Variants in CPNE4 observed in about 807,000 individuals in gnomAD.
CPNE4 encodes the protein copine-4.
CPNE4 carries 25 observed loss-of-function variants against 67.9 expected under a neutral mutation model. That is an observed-to-expected ratio of 0.37 (90% confidence interval 0.27 to 0.51). CPNE4 has a LOEUF of 0.51. CPNE4 is among the 20% of genes least tolerant of loss of function. The probability of loss-of-function intolerance (pLI) is 0.93; values close to 1 mark genes in which losing one functional copy is unlikely to be tolerated. For missense variants in CPNE4, 464 were observed against 690.8 expected (o/e 0.67, Z 3.68); for synonymous variants, 242 against 244.9 (o/e 0.99, Z 0.11).
intron 7 of CPNE4, among the ~76,000 whole-genome samples, chr3:131,658,395 G>T (rs1487428362): frequency 2.0e-5 from 3 of 152,204 alleles, no homozygotes; most frequent in Non-Finnish European, 4.4e-5. Flanking sequence ...GTGGATGTGG[G>T]ATTGATGATC....
intron 1 of CPNE4, among the ~76,000 whole-genome samples, chr3:131,916,866 TTTG>T (rs2089200502): frequency 6.6e-6 from 1 of 152,236 alleles, no homozygotes; most frequent in African/African-American, 2.4e-5. Context: ...GTTTGTTTTC[TTTG>T]TTTTTTCTAA....
chr3:132,012,001 G>A (rs1400081145), intron 1 of CPNE4, among the ~76,000 whole-genome samples: 2 of 152,096 alleles, frequency 1.3e-5, no homozygotes, highest in Non-Finnish European at 2.9e-5. Context: ...TCACAGGTCA[G>A]CAAACTTTTT....
At chr3:131,868,577 G>C (rs1352434861) in intron 2 of CPNE4, among the ~76,000 whole-genome samples, 1 of 152,134 alleles carries the variant, frequency 6.6e-6, no homozygotes, top group African/African-American at 2.4e-5. Flanking sequence ...TACTTCACTT[G>C]CAGCCCAAAT....
intron 2 of CPNE4, among the ~76,000 whole-genome samples, chr3:131,748,400 CT>C (rs1013588375): frequency 2.2e-4 from 33 of 151,406 alleles, no homozygotes; most frequent in African/African-American, 5.6e-4. Flanking sequence ...GAATACTGGT[CT>C]TTTTTTTAAT....
At chr3:131,718,388 A>T (rs988858610) in intron 3 of CPNE4, among the ~76,000 whole-genome samples, 1 of 152,156 alleles carries the variant, frequency 6.6e-6, no homozygotes, top group African/African-American at 2.4e-5. Flanking sequence ...AACACTTAAA[A>T]GCATCAGGAC....
At chr3:131,838,188 G>A (rs2085632161) in intron 2 of CPNE4, among the ~76,000 whole-genome samples, 2 of 151,772 alleles carry the variant, frequency 1.3e-5, no homozygotes, top group African/African-American at 4.8e-5. Flanking sequence ...GAAAACTAAT[G>A]ACCTTAAAAT....
chr3:131,997,373 C>G (rs2107656961), intron 1 of CPNE4, among the ~76,000 whole-genome samples: 1 of 152,100 alleles, frequency 6.6e-6, no homozygotes, highest in African/African-American at 2.4e-5. Flanking sequence ...CTACAAGCAG[C>G]AACAAAAAGG....
intron 7 of CPNE4, among the ~76,000 whole-genome samples, chr3:131,606,074 A>C (rs1939484795): frequency 6.6e-6 from 1 of 152,150 alleles, no homozygotes; most frequent in African/African-American, 2.4e-5. Context: ...GCCTGGAGGC[A>C]ACCTTCCGTT....
At chr3:131,601,653 C>A (rs1423411247) in intron 7 of CPNE4, among the ~76,000 whole-genome samples, 1 of 152,124 alleles carries the variant, frequency 6.6e-6, no homozygotes, top group Non-Finnish European at 1.5e-5. Context: ...TGCTGGGAGC[C>A]TGAAGGGACA....
intron 1 of CPNE4, among the ~76,000 whole-genome samples, chr3:132,015,516 C>A (rs1052049125): frequency 4.6e-4 from 8 of 17,330 alleles, no homozygotes; most frequent in Non-Finnish European, 1.3e-3. Flanking sequence ...CATACACACT[C>A]ACACACACAC....
At chr3:131,570,531 T>C (rs1937285746) in intron 10 of CPNE4, among the ~76,000 whole-genome samples, 1 of 152,046 alleles carries the variant, frequency 6.6e-6, no homozygotes, top group African/African-American at 2.4e-5. Context: ...TAACTTTGTA[T>C]TTTGTGTGTG....
At chr3:131,920,825 ACT>A in intron 1 of CPNE4, among the ~76,000 whole-genome samples, 1 of 151,964 alleles carries the variant, frequency 6.6e-6, no homozygotes, top group Non-Finnish European at 1.5e-5. Flanking sequence ...TGGGTGTAAG[ACT>A]CCAAGCATTT....
intron 7 of CPNE4, among the ~76,000 whole-genome samples, chr3:131,651,715 A>G (rs1006089020): frequency 1.3e-5 from 2 of 152,110 alleles, no homozygotes; most frequent in Non-Finnish European, 2.9e-5. Context: ...GACAGAGGGG[A>G]TGGAATGTGG....
intron 7 of CPNE4, among the ~76,000 whole-genome samples, chr3:131,631,918 CAG>C (rs2079233753): frequency 7.0e-6 from 1 of 143,602 alleles, no homozygotes; most frequent in African/African-American, 2.8e-5. Context: ...TTTTTTGAGA[CAG>C]AGTCTCACTC....
chr3:131,647,045 G>T (rs992783833), intron 7 of CPNE4, among the ~76,000 whole-genome samples: 5 of 152,198 alleles, frequency 3.3e-5, no homozygotes, highest in African/African-American at 9.6e-5. Context: ...CTGTCTTATA[G>T]TTACTGTGCA....
chr3:131,795,800 A>C (rs2083903296), intron 2 of CPNE4, among the ~76,000 whole-genome samples: 1 of 152,164 alleles, frequency 6.6e-6, no homozygotes, highest in Non-Finnish European at 1.5e-5. Context: ...TCTCCTTTTA[A>C]AAATATTTAT....
At chr3:131,966,400 A>T (rs927265044) in intron 1 of CPNE4, among the ~76,000 whole-genome samples, 2 of 152,172 alleles carry the variant, frequency 1.3e-5, no homozygotes, top group Non-Finnish European at 2.9e-5. Context: ...ATAGAGACAC[A>T]AAAATCCCTT....
chr3:131,653,145 T>TC (rs1421176374), intron 7 of CPNE4, among the ~76,000 whole-genome samples: 3 of 138,282 alleles, frequency 2.2e-5, no homozygotes, highest in African/African-American at 8.3e-5. Context: ...TAGGACTTCT[T>TC]TTTTTTTTTT....
chr3:131,625,678 A>G (rs2079055948), intron 7 of CPNE4, among the ~76,000 whole-genome samples: 1 of 152,210 alleles, frequency 6.6e-6, no homozygotes, highest in Non-Finnish European at 1.5e-5. Context: ...TCGTGGATAG[A>G]ACTAAATCCT....
Sources: gnomAD v4.1 joint callset for allele counts (sites outside exome capture counted in the v4.1 genomes callset) on GRCh38, gnomAD v4.1.1 for gene constraint, MANE v1.5 for transcripts, NCBI Gene and HGNC (gene_info 2026-07-23, HGNC 2026-07-21) for gene names.